The following GLG1 variants were observed in gnomAD, a reference collection of about 807,000 sequenced individuals.
GLG1 encodes Golgi apparatus protein 1.
In GLG1, 38 loss-of-function variants were observed where a neutral mutation model predicts 160.5. The observed-to-expected ratio is 0.24, with a 90% CI of 0.18 to 0.31. The LOEUF is 0.31. GLG1 is among the 10% of genes least tolerant of loss of function. GLG1 has a pLI of 1.00. For synonymous variants in GLG1, 644 were observed against 543.4 expected, an observed-to-expected ratio of 1.19 and a Z score of -2.57; for missense variants, 1,373 against 1,505.2, an observed-to-expected ratio of 0.91 and a Z score of 1.45.
At chr16:74,507,193 T>C (rs530799731) in intron 3 of GLG1, among the ~76,000 whole-genome samples, 1 of 152,194 alleles carries the variant, frequency 6.6e-6, no homozygotes, top group Non-Finnish European at 1.5e-5. Context: ...GAGGGAGAAG[T>C]GTCCTTGTTA....
chr16:74,456,801 A>G, intron 24 of GLG1, 46 bp from the exon 25 acceptor site: 1 of 1,156,248 alleles, frequency 8.6e-7, no homozygotes, highest in Non-Finnish European at 1.3e-6. Context: ...ACTGTACAGA[A>G]TAGAGAAATT....
chr16:74,532,174 G>A lies in GLG1; in HGVS notation c.439-21C>T, dbSNP rs762415921. 11 of 1,087,498 alleles carry A rather than the reference G, an allele frequency of 1.0e-5. No individual in the cohort carries two copies. In the Admixed American group the frequency reaches 4.1e-4, roughly 40 times the overall value. The allele number at this position is 1,087,498 out of a possible 1,614,324, so 67.4% of individuals were successfully genotyped here. ...TCAGGCTAGAAGAGAAAAAAAAGAA[G>A]AGATGATGTAAAAAAAAAAATATAT... On this transcript the variant is annotated intron_variant, in intron 1 of 25. Transcript: ENST00000422840.
chr16:74,532,885 T>C (rs1259530364), intron 1 of GLG1, among the ~76,000 whole-genome samples: 1 of 152,096 alleles, frequency 6.6e-6, no homozygotes, highest in East Asian at 1.9e-4. Flanking sequence ...ATGTGATGGG[T>C]ATGTAAGATC....
intron 1 of GLG1, among the ~76,000 whole-genome samples, chr16:74,555,529 A>G (rs1245508247): frequency 6.6e-6 from 1 of 151,938 alleles, no homozygotes; most frequent in Admixed American, 6.6e-5. Flanking sequence ...TCTACAAAAA[A>G]ATATTAAAAG....
intron 2 of GLG1, among the ~76,000 whole-genome samples, chr16:74,515,253 C>G (rs1027373238): frequency 1.1e-4 from 17 of 152,166 alleles, no homozygotes; most frequent in African/African-American, 3.9e-4. Context: ...AGAAAATTAA[C>G]AAGGATATCC....
chr16:74,485,825 G>A lies in GLG1; in HGVS notation c.1542C>T (p.Ala514=). The A allele has an allele frequency of 6.2e-7, 1 of 1,613,090 alleles. No homozygotes were observed. The highest frequency in any genetic ancestry group is 8.5e-7 in the Non-Finnish European group (1 of 1,179,086). ...GGTCTCCAGATCTTATATGTTTGCA[G>A]GCTGTCTGGATTACAGATTCACAAG... The part of the protein sequence containing the change: ...NEACESVIQT[A]CKHIRSGDPM... Residue 514 remains alanine (A), a synonymous_variant, in exon 9 of 26, where the codon GCC becomes GCT. Transcript: ENST00000422840.
chr16:74,514,446 C>A (rs538632969), intron 2 of GLG1, among the ~76,000 whole-genome samples: 8 of 152,326 alleles, frequency 5.3e-5, no homozygotes, highest in African/African-American at 1.7e-4. Context: ...GATCTCTTTG[C>A]AGAAACCCTA....
rs953649893 is a variant in GLG1 at position 74,538,207 on chromosome 16, T to C, written c.439-6054A>G. 2.0e-5 allele frequency among the ~76,000 whole-genome samples: 3 copies of C among 150,116 alleles called. No homozygotes were observed. In the Admixed American group the frequency reaches 2.0e-4, roughly 10 times the overall value. On this transcript the variant is annotated intron_variant, in intron 1 of 25. Transcript: ENST00000422840. ...AAACAAACAAAAGATGCCAACAGTA[T>C]CAGTGCTTTTACAGCCTTAGAAAAA...
chr16:74,569,045 G>A (rs1396577094), intron 1 of GLG1, among the ~76,000 whole-genome samples: 1 of 152,212 alleles, frequency 6.6e-6, no homozygotes, highest in Non-Finnish European at 1.5e-5. Flanking sequence ...GAAGGGCCGT[G>A]TGGGCAGAAA....
chr16:74,561,604 A>T (rs4411525), intron 1 of GLG1, among the ~76,000 whole-genome samples: 2 of 152,128 alleles, frequency 1.3e-5, no homozygotes, highest in Admixed American at 6.5e-5. Context: ...TTTCATGCTA[A>T]ATCAGCCAGT....
rs1417671967 is a variant in GLG1, at chr16:74,453,006, A to C, written c.*161T>G. ...TGAGGAGGAGGAGGACACCATGGAC[A>C]CGAGTGGAGGCTGGATGGGACAACG... On this transcript the variant is annotated 3_prime_UTR_variant, in exon 26 of 26. Coordinates refer to ENST00000422840, the MANE Select transcript of GLG1 (RefSeq NM_001145667.2). 7.3e-7 allele frequency: 1 copy of C among 1,364,316 alleles called. No homozygotes were observed. The highest frequency in any genetic ancestry group is 1.5e-5 in the African/African-American group (1 of 68,164). The allele number at this position is 1,364,316 out of a possible 1,614,324, so 84.5% of individuals were successfully genotyped here.
intron 1 of GLG1, among the ~76,000 whole-genome samples, chr16:74,551,561 G>T (rs2018199728): frequency 1.4e-5 from 2 of 147,214 alleles, no homozygotes; most frequent in African/African-American, 5.0e-5. Flanking sequence ...CAAGCAATCT[G>T]TCCACCTCGG....
intron 8 of GLG1, among the ~76,000 whole-genome samples, chr16:74,486,149 T>C (rs1232665958): frequency 1.3e-5 from 2 of 152,246 alleles, no homozygotes; most frequent in African/African-American, 4.8e-5. Flanking sequence ...ACTGCTTATC[T>C]TTGTTCTCAG....
intron 3 of GLG1, among the ~76,000 whole-genome samples, chr16:74,507,392 A>T (rs745956790): frequency 1.3e-5 from 2 of 152,206 alleles, no homozygotes; most frequent in Non-Finnish European, 2.9e-5. Context: ...GGGGCAAAAC[A>T]AACATATGCG....
chr16:74,594,596 C>T (rs1958257554), intron 1 of GLG1, among the ~76,000 whole-genome samples: 3 of 152,112 alleles, frequency 2.0e-5, no homozygotes, highest in Admixed American at 2.0e-4. Context: ...CTATCTAAGG[C>T]AACCAAAATA....
chr16:74,579,249 A>T (rs542727227), intron 1 of GLG1, among the ~76,000 whole-genome samples: 1 of 152,294 alleles, frequency 6.6e-6, no homozygotes, highest in South Asian at 2.1e-4. Flanking sequence ...TCTCTACTAA[A>T]AACACAAAAA....
intron 2 of GLG1, among the ~76,000 whole-genome samples, chr16:74,518,998 G>GGATT (rs1191398169): frequency 6.6e-6 from 1 of 152,058 alleles, no homozygotes; most frequent in East Asian, 1.9e-4. Flanking sequence ...TATACCTAAA[G>GGATT]GATTATAAAT....
chr16:74,463,254 C>G, intron 20 of GLG1, 102 bp downstream of exon 20: 1 of 1,171,830 alleles, frequency 8.5e-7, no homozygotes, highest in Non-Finnish European at 1.2e-6. Flanking sequence ...CCTTAAAATT[C>G]CCAGGCAACA....
chr16:74,573,496 C>G (rs1430720057), intron 1 of GLG1, among the ~76,000 whole-genome samples: 4 of 149,664 alleles, frequency 2.7e-5, no homozygotes, highest in African/African-American at 9.8e-5. Flanking sequence ...GGGTTAGGAA[C>G]CACTGACTTA....
Sources: allele counts gnomAD v4.1 joint callset (sites outside exome capture counted in the v4.1 genomes callset), GRCh38; gene constraint gnomAD v4.1.1; transcripts MANE v1.5; gene names NCBI Gene and HGNC (gene_info 2026-07-23, HGNC 2026-07-21).